GTF2F2: variants seen among roughly 807,000 people sequenced by gnomAD.
GTF2F2 encodes ATP-dependent helicase GTF2F2.
In GTF2F2, 23 loss-of-function variants were observed where a neutral mutation model predicts 42.2. The observed-to-expected ratio is 0.55, with a 90% CI of 0.39 to 0.77. The LOEUF (loss-of-function observed/expected upper bound fraction) is 0.77, where lower values mean the gene tolerates loss of function less well. GTF2F2 is among the 30% of genes least tolerant of loss of function. GTF2F2 has a pLI of 0.00. For synonymous variants in GTF2F2, 105 were observed against 100.8 expected (o/e 1.04, Z -0.25); for missense variants, 261 against 287.2 (o/e 0.91, Z 0.66).
chr13:45,150,664 CT>C (rs368061537), intron 3 of GTF2F2, among the ~76,000 whole-genome samples: 83 of 122,384 alleles, frequency 6.8e-4, no homozygotes, highest in Admixed American at 1.2e-3. Context: ...AAAAAATCAT[CT>C]TTTTTTTTTT....
chr13:45,197,710 A>C (rs1318200760), intron 4 of GTF2F2, among the ~76,000 whole-genome samples: 1 of 152,066 alleles, frequency 6.6e-6, no homozygotes, highest in Non-Finnish European at 1.5e-5. Flanking sequence ...TTTACTTGCT[A>C]GGGGGTGGCG....
At chr13:45,210,112 A>G (rs980229338) in intron 5 of GTF2F2, among the ~76,000 whole-genome samples, 1 of 152,196 alleles carries the variant, frequency 6.6e-6, no homozygotes, top group Non-Finnish European at 1.5e-5. Flanking sequence ...TCTAAGTCAG[A>G]TCATGCCATT....
At chr13:45,282,070 A>T (rs933426880) in intron 7 of GTF2F2, among the ~76,000 whole-genome samples, 3 of 152,050 alleles carry the variant, frequency 2.0e-5, no homozygotes, top group Non-Finnish European at 4.4e-5. Context: ...GCGTGGTGGC[A>T]TGCGCCTGTA....
chr13:45,187,052 G>A (rs975883205), intron 4 of GTF2F2, among the ~76,000 whole-genome samples: 1 of 152,122 alleles, frequency 6.6e-6, no homozygotes, highest in Admixed American at 6.6e-5. Context: ...TAGGTTAAAT[G>A]TGTTATATTT....
intron 2 of GTF2F2, 48 bp downstream of exon 2, chr13:45,136,854 T>G: frequency 1.0e-6 from 1 of 976,226 alleles, no homozygotes; most frequent in Non-Finnish European, 1.6e-6. Context: ...ATTTTTGAAA[T>G]TTTTATAAGT....
intron 5 of GTF2F2, among the ~76,000 whole-genome samples, chr13:45,236,513 AC>A (rs1874994827): frequency 6.6e-6 from 1 of 151,712 alleles, no homozygotes; most frequent in Non-Finnish European, 1.5e-5. Context: ...ACACACACAC[AC>A]ACACACACAC....
chr13:45,183,152 G>C (rs1872244366), intron 4 of GTF2F2, among the ~76,000 whole-genome samples: 1 of 152,112 alleles, frequency 6.6e-6, no homozygotes. Flanking sequence ...AAGGTTGCTT[G>C]GTTGCTGTGT....
At chr13:45,281,942 T>G (rs1161541993) in intron 7 of GTF2F2, among the ~76,000 whole-genome samples, 1 of 152,190 alleles carries the variant, frequency 6.6e-6, no homozygotes, top group Non-Finnish European at 1.5e-5. Flanking sequence ...CTCAGGCCTG[T>G]AATCCCAGCA....
chr13:45,191,254 T>TGG (rs1566129381), intron 4 of GTF2F2, among the ~76,000 whole-genome samples: 7 of 136,332 alleles, frequency 5.1e-5, no homozygotes, highest in African/African-American at 1.5e-4. Flanking sequence ...TATATATATA[T>TGG]AGCCATAATC....
chr13:45,218,186 A>C (rs1038535367), intron 5 of GTF2F2, among the ~76,000 whole-genome samples: 33 of 152,326 alleles, frequency 2.2e-4, no homozygotes, highest in East Asian at 5.8e-4. Flanking sequence ...TCGTGGGCCA[A>C]ATGGGCAGAT....
intron 5 of GTF2F2, among the ~76,000 whole-genome samples, chr13:45,228,283 C>CTTTTTTT (rs372901327): frequency 2.8e-4 from 26 of 92,724 alleles, no homozygotes; most frequent in African/African-American, 4.5e-4. Flanking sequence ...CAGAGTTAAT[C>CTTTTTTT]TTTTTTTTTT....
intron 4 of GTF2F2, among the ~76,000 whole-genome samples, chr13:45,185,038 G>A (rs992662980): frequency 4.6e-5 from 7 of 152,044 alleles, no homozygotes; most frequent in African/African-American, 1.7e-4. Context: ...GCCTAGGCTG[G>A]TCTTGAACTC....
intron 4 of GTF2F2, among the ~76,000 whole-genome samples, chr13:45,159,163 T>C (rs1417969694): frequency 1.3e-5 from 2 of 152,230 alleles, no homozygotes; most frequent in Non-Finnish European, 2.9e-5. Context: ...CTGAGTTCAC[T>C]GATGGTAGGT....
At chr13:45,204,095 T>C (rs577884394) in intron 4 of GTF2F2, among the ~76,000 whole-genome samples, 3 of 152,318 alleles carry the variant, frequency 2.0e-5, no homozygotes, top group East Asian at 3.9e-4. Flanking sequence ...AACAGGTTTT[T>C]TGGGAGTCTA....
chr13:45,127,832 C>T lies in GTF2F2; in HGVS notation c.66+7111C>T, dbSNP rs148660469. ...ATTTTTGGTAGAGACGGGGTTTCGC[C>T]ATGTTGGCCAGGGTGGACTCGAACT... is the stretch of plus-strand genomic sequence containing the variant. On this transcript the variant is annotated intron_variant, in intron 1 of 7. Coordinates refer to ENST00000340473, the MANE Select transcript of GTF2F2 (RefSeq NM_004128.3). Among the ~76,000 whole-genome samples the T allele has an allele frequency of 9.2e-3, 1,367 of 149,238 alleles. 28 individuals carry two copies. The highest frequency in any genetic ancestry group is 0.032 in the African/African-American group (1,308 of 40,440).
chr13:45,254,463 A>T (rs1876015773), intron 6 of GTF2F2, among the ~76,000 whole-genome samples: 1 of 152,190 alleles, frequency 6.6e-6, no homozygotes, highest in African/African-American at 2.4e-5. Flanking sequence ...TATTGCATAC[A>T]TATTATGTAT....
At chr13:45,134,395 G>C (rs1454335009) in intron 1 of GTF2F2, among the ~76,000 whole-genome samples, 1 of 152,098 alleles carries the variant, frequency 6.6e-6, no homozygotes, top group African/African-American at 2.4e-5. Context: ...CCTGAGGTGG[G>C]GGTCTGCCAA....
intron 7 of GTF2F2, among the ~76,000 whole-genome samples, chr13:45,282,341 A>G (rs1736837003): frequency 6.6e-6 from 1 of 152,174 alleles, no homozygotes; most frequent in African/African-American, 2.4e-5. Context: ...GTTTCATATT[A>G]CACTTAACAT....
chr13:45,132,057 C>T (rs1024711663), intron 1 of GTF2F2, among the ~76,000 whole-genome samples: 1 of 152,086 alleles, frequency 6.6e-6, no homozygotes, highest in African/African-American at 2.4e-5. Context: ...AAAATGAAGA[C>T]ACTAATAGGA....
Sources: allele counts gnomAD v4.1 joint callset (sites outside exome capture counted in the v4.1 genomes callset), GRCh38; gene constraint gnomAD v4.1.1; transcripts MANE v1.5; gene names NCBI Gene and HGNC (gene_info 2026-07-23, HGNC 2026-07-21).